Variants in ZNF521 observed in about 807,000 individuals in gnomAD.
ZNF521 encodes the protein LYST-interacting protein 3.
A neutral mutation model predicts 105.5 loss-of-function variants in ZNF521; 14 were observed. The ratio of observed to expected loss-of-function variants is 0.13; its 90% CI spans 0.09 to 0.21. The LOEUF (loss-of-function observed/expected upper bound fraction) is 0.21. ZNF521 is among the 10% of genes least tolerant of loss of function. The pLI is 1.00. For missense variants in ZNF521, 1,233 were observed against 1,629.7 expected, an observed-to-expected ratio of 0.76 and a Z score of 4.19; for synonymous variants, 635 against 606.0, an observed-to-expected ratio of 1.05 and a Z score of -0.70.
At chr18:25,163,888 T>C (rs2035292108) in intron 5 of ZNF521, among the ~76,000 whole-genome samples, 1 of 152,014 alleles carries the variant, frequency 6.6e-6, no homozygotes, top group Non-Finnish European at 1.5e-5. Flanking sequence ...CTGGTTTGGG[T>C]TTACAGAAAA....
intron 3 of ZNF521, among the ~76,000 whole-genome samples, chr18:25,289,924 A>G (rs1039606402): frequency 6.6e-6 from 1 of 152,238 alleles, no homozygotes; most frequent in Non-Finnish European, 1.5e-5. Context: ...ATATCCTTTT[A>G]ATAAGCCCTT....
chr18:25,110,334 G>A (rs991261441), intron 5 of ZNF521, among the ~76,000 whole-genome samples: 3 of 152,164 alleles, frequency 2.0e-5, no homozygotes, highest in Non-Finnish European at 4.4e-5. Context: ...TGCGCCTTGG[G>A]TCCTGCCTGC....
At chr18:25,288,038 C>G (rs184397717) in intron 3 of ZNF521, among the ~76,000 whole-genome samples, 1 of 151,336 alleles carries the variant, frequency 6.6e-6, no homozygotes, top group Non-Finnish European at 1.5e-5. Flanking sequence ...ACTGAAAATG[C>G]CCCCCCAATA....
intron 2 of ZNF521, among the ~76,000 whole-genome samples, chr18:25,332,488 A>C (rs531630660): frequency 3.8e-4 from 58 of 152,242 alleles, no homozygotes; most frequent in African/African-American, 1.3e-3. Context: ...ATACAACCCT[A>C]AATGTCGAAG....
intron 5 of ZNF521, among the ~76,000 whole-genome samples, chr18:25,122,016 T>A (rs898255002): frequency 6.6e-6 from 1 of 152,008 alleles, no homozygotes; most frequent in East Asian, 1.9e-4. Flanking sequence ...AAATGACACA[T>A]GATAAAATTA....
At chr18:25,072,978 T>G (rs1384855344) in intron 7 of ZNF521, among the ~76,000 whole-genome samples, 1 of 152,206 alleles carries the variant, frequency 6.6e-6, no homozygotes, top group East Asian at 1.9e-4. Context: ...CCATGAACAG[T>G]GCCCCTTCTT....
chr18:25,276,337 TAG>T (rs1666720662), intron 3 of ZNF521, among the ~76,000 whole-genome samples: 1 of 151,740 alleles, frequency 6.6e-6, no homozygotes, highest in Non-Finnish European at 1.5e-5. Context: ...TAATACCCAA[TAG>T]ACTCCTGAGA....
At chr18:25,259,299 G>C (rs1908740626) in intron 3 of ZNF521, among the ~76,000 whole-genome samples, 1 of 152,096 alleles carries the variant, frequency 6.6e-6, no homozygotes, top group African/African-American at 2.4e-5. Context: ...GTACAGTCTT[G>C]GCCAAGTCTG....
chr18:25,140,199 T>G (rs1206002048), intron 5 of ZNF521, among the ~76,000 whole-genome samples: 1 of 152,142 alleles, frequency 6.6e-6, no homozygotes, highest in Non-Finnish European at 1.5e-5. Context: ...TACTCCTGAA[T>G]GAAATGAAAA....
At chr18:25,246,203 A>AAT in intron 3 of ZNF521, among the ~76,000 whole-genome samples, 1 of 152,248 alleles carries the variant, frequency 6.6e-6, no homozygotes, top group South Asian at 2.1e-4. Context: ...GTGCACATGT[A>AAT]CCCTAGAGCT....
rs553671365 is a variant in ZNF521 at position 25,323,287 on chromosome 18, T to C, written c.41-1100A>G. ...CTATTTTCTATAAGGCCTTGACTAG[T>C]CAATGAAATGGTTACAAAATAACTG... On this transcript the variant is annotated intron_variant, in intron 2 of 7. Coordinates refer to ENST00000361524, the MANE Select transcript of ZNF521 (RefSeq NM_015461.3). Among the ~76,000 whole-genome samples, 160 of 152,220 alleles carry C rather than the reference T, an allele frequency of 1.1e-3. 2 individuals are homozygous for C. The highest frequency in any genetic ancestry group is 1.9e-3 in the Non-Finnish European group (126 of 67,998).
At chr18:25,217,190 C>T (rs1287651853) in intron 4 of ZNF521, among the ~76,000 whole-genome samples, 3 of 152,182 alleles carry the variant, frequency 2.0e-5, no homozygotes, top group East Asian at 1.9e-4. Flanking sequence ...CAGGTCTACG[C>T]TTCCAACTGC....
At chr18:25,299,327 A>AGT (rs1168076708) in intron 3 of ZNF521, among the ~76,000 whole-genome samples, 2 of 152,224 alleles carry the variant, frequency 1.3e-5, no homozygotes. Context: ...AGAGAAAGAC[A>AGT]GTGAGTGATG....
At chr18:25,232,401 TTC>T (rs1362090589) in intron 3 of ZNF521, among the ~76,000 whole-genome samples, 1 of 152,226 alleles carries the variant, frequency 6.6e-6, no homozygotes, top group African/African-American at 2.4e-5. Context: ...TTGCATGTAT[TTC>T]TGTTTCCATG....
chr18:25,350,985 TGAAA>T, intron 1 of ZNF521, 38 bp from the exon 2 acceptor site: 3 of 1,529,878 alleles, frequency 2.0e-6, no homozygotes, highest in Non-Finnish European at 2.6e-6. Flanking sequence ...AATTCAGCCC[TGAAA>T]GAAACTATAC....
chr18:25,274,097 G>A (rs897299797), intron 3 of ZNF521, among the ~76,000 whole-genome samples: 21 of 152,290 alleles, frequency 1.4e-4, no homozygotes, highest in African/African-American at 4.8e-4. Flanking sequence ...AAGGGCAAGG[G>A]AAGAACCTTC....
chr18:25,139,522 T>C (rs1488902166), intron 5 of ZNF521, among the ~76,000 whole-genome samples: 4 of 151,358 alleles, frequency 2.6e-5, no homozygotes, highest in East Asian at 1.9e-4. Flanking sequence ...TTGGGAAAGG[T>C]ATGACACAGA....
intron 5 of ZNF521, among the ~76,000 whole-genome samples, chr18:25,133,817 A>C (rs2034683024): frequency 6.6e-6 from 1 of 151,902 alleles, no homozygotes; most frequent in African/African-American, 2.4e-5. Context: ...TTAATGTTTT[A>C]GTTAAAGGCC....
At chr18:25,242,815 C>A (rs1638283286) in intron 3 of ZNF521, among the ~76,000 whole-genome samples, 1 of 152,052 alleles carries the variant, frequency 6.6e-6, no homozygotes, top group Admixed American at 6.6e-5. Flanking sequence ...CCATCACAGC[C>A]CCCTTAGAGG....
Sources: gnomAD v4.1 joint callset for allele counts (sites outside exome capture counted in the v4.1 genomes callset) on GRCh38, gnomAD v4.1.1 for gene constraint, MANE v1.5 for transcripts, NCBI Gene and HGNC (gene_info 2026-07-23, HGNC 2026-07-21) for gene names.